SLC35F4: variants seen among roughly 807,000 people sequenced by gnomAD.
SLC35F4 encodes chromosome 14 open reading frame 36.
SLC35F4 carries 24 observed loss-of-function variants against 44.2 expected under a neutral mutation model. The observed-to-expected ratio is 0.54, with a 90% CI of 0.39 to 0.76. The LOEUF is 0.76. Among genes scored for constraint, SLC35F4 ranks in the 30% least tolerant of loss-of-function variants. The pLI is 0.00. For missense variants in SLC35F4, 562 were observed against 586.1 expected, an observed-to-expected ratio of 0.96 and a Z score of 0.42; for synonymous variants, 238 against 223.6, an observed-to-expected ratio of 1.06 and a Z score of -0.57.
At chr14:57,685,059 T>C (rs2075027947) in intron 1 of SLC35F4, among the ~76,000 whole-genome samples, 1 of 152,218 alleles carries the variant, frequency 6.6e-6, no homozygotes, top group East Asian at 1.9e-4. Flanking sequence ...TCCAGAAATT[T>C]GGATAAAAGA....
intron 1 of SLC35F4, among the ~76,000 whole-genome samples, chr14:57,930,731 A>G (rs1383830923): frequency 6.6e-6 from 1 of 152,236 alleles, no homozygotes; most frequent in Admixed American, 6.5e-5. Context: ...CAGGTGCATC[A>G]TCTGCAGGAA....
At chr14:57,780,810 C>T (rs1296241029) in intron 1 of SLC35F4, among the ~76,000 whole-genome samples, 1 of 151,726 alleles carries the variant, frequency 6.6e-6, no homozygotes, top group Non-Finnish European at 1.5e-5. Context: ...AATAATGCTG[C>T]ACCCCCACAA....
At chr14:57,738,787 A>ATATATAT (rs1491518109) in intron 1 of SLC35F4, among the ~76,000 whole-genome samples, 1 of 96,938 alleles carries the variant, frequency 1.0e-5, no homozygotes, top group South Asian at 3.4e-4. Flanking sequence ...ATATATATAT[A>ATATATAT]GGCTTCATAT....
At chr14:57,604,695 A>G (rs890731806) in intron 1 of SLC35F4, among the ~76,000 whole-genome samples, 2 of 152,206 alleles carry the variant, frequency 1.3e-5, no homozygotes, top group African/African-American at 2.4e-5. Flanking sequence ...ACATTACCTG[A>G]CTCCAAACTA....
intron 1 of SLC35F4, among the ~76,000 whole-genome samples, chr14:57,676,016 G>A (rs1764177395): frequency 6.6e-6 from 1 of 152,054 alleles, no homozygotes; most frequent in South Asian, 2.1e-4. Context: ...ATAATCAGCA[G>A]AGTAAATAGA....
chr14:57,894,122 C>A (rs1566923513), intron 1 of SLC35F4, among the ~76,000 whole-genome samples: 1 of 152,038 alleles, frequency 6.6e-6, no homozygotes, highest in African/African-American at 2.4e-5. Context: ...TCCTATTAAA[C>A]AAGCTCAAAT....
At chr14:57,756,029 C>A (rs879502478) in intron 1 of SLC35F4, among the ~76,000 whole-genome samples, 3 of 152,240 alleles carry the variant, frequency 2.0e-5, no homozygotes, top group Non-Finnish European at 4.4e-5. Context: ...CACTTCCCTT[C>A]ATGGTCAGGG....
At chr14:57,606,539 C>T (rs1027047978) in intron 1 of SLC35F4, among the ~76,000 whole-genome samples, 38 of 152,264 alleles carry the variant, frequency 2.5e-4, no homozygotes, top group African/African-American at 8.9e-4. Flanking sequence ...TTCATTTGAA[C>T]CTTTGTTTCT....
In SLC35F4 at chr14:57,819,831, T is replaced by C. The variant is rs1341022966; in HGVS notation, c.103+45892A>G. On this transcript the variant is annotated intron_variant, in intron 1 of 7. Coordinates refer to ENST00000556826, the MANE Select transcript of SLC35F4 (RefSeq NM_001306087.2). ...CCGTCTCAAAAAAAAAAAAAAAAGA[T>C]AGAAGAAATAGAAGAACTAGCCCTA... Among the ~76,000 whole-genome samples the C allele has an allele frequency of 3.4e-5, 5 of 145,478 alleles. No homozygotes were observed. In the East Asian group the frequency reaches 6.0e-4, roughly 17 times the overall value.
intron 1 of SLC35F4, among the ~76,000 whole-genome samples, chr14:57,907,837 T>C (rs2141049394): frequency 6.6e-6 from 1 of 152,290 alleles, no homozygotes; most frequent in South Asian, 2.1e-4. Flanking sequence ...TTTTTTATTT[T>C]ACGTTCTGGG....
intron 1 of SLC35F4, among the ~76,000 whole-genome samples, chr14:57,665,504 G>C (rs2074277413): frequency 6.6e-6 from 1 of 152,168 alleles, no homozygotes; most frequent in South Asian, 2.1e-4. Context: ...AGGTCACCCA[G>C]ACAGGAAGTG....
chr14:57,922,458 A>G (rs763776143), intron 1 of SLC35F4, among the ~76,000 whole-genome samples: 9 of 152,202 alleles, frequency 5.9e-5, no homozygotes, highest in Non-Finnish European at 1.0e-4. Flanking sequence ...GGTGAGATGA[A>G]ATCAACTAGC....
At chr14:57,586,988 A>G (rs1389377573) in intron 3 of SLC35F4, among the ~76,000 whole-genome samples, 1 of 150,654 alleles carries the variant, frequency 6.6e-6, no homozygotes, top group Non-Finnish European at 1.5e-5. Context: ...TTCTCAAAAG[A>G]AGACGTTTAT....
chr14:57,974,193 G>C (rs1347849880), downstream of SLC35F4, among the ~76,000 whole-genome samples: 3 of 152,198 alleles, frequency 2.0e-5, no homozygotes, highest in East Asian at 1.9e-4. Flanking sequence ...ACCTTGGTAG[G>C]GTTGCGTGGA....
chr14:57,774,948 C>G (rs545948403), intron 1 of SLC35F4, among the ~76,000 whole-genome samples: 14 of 151,826 alleles, frequency 9.2e-5, no homozygotes, highest in African/African-American at 3.4e-4. Flanking sequence ...TTCTACCCCC[C>G]ACCACACCAC....
chr14:57,855,215 G>A (rs1886966220), intron 1 of SLC35F4, among the ~76,000 whole-genome samples: 1 of 152,030 alleles, frequency 6.6e-6, no homozygotes, highest in Non-Finnish European at 1.5e-5. Context: ...GATCTGAGAG[G>A]AAGTTAAAGA....
At chr14:57,738,832 A>T (rs2076533298) in intron 1 of SLC35F4, among the ~76,000 whole-genome samples, 1 of 146,350 alleles carries the variant, frequency 6.8e-6, no homozygotes, top group South Asian at 2.1e-4. Context: ...ATATATATAT[A>T]AGTACTGTAT....
At chr14:57,929,053 GA>G (rs962387640) in intron 1 of SLC35F4, among the ~76,000 whole-genome samples, 1 of 152,150 alleles carries the variant, frequency 6.6e-6, no homozygotes, top group African/African-American at 2.4e-5. Flanking sequence ...ATTTTCCAGG[GA>G]AAAAGTATTG....
At chr14:57,753,887 A>G (rs1166882128) in intron 1 of SLC35F4, among the ~76,000 whole-genome samples, 1 of 151,888 alleles carries the variant, frequency 6.6e-6, no homozygotes, top group East Asian at 1.9e-4. Context: ...TATCTGTACC[A>G]GTTCTATATG....
Sources: allele counts gnomAD v4.1 joint callset (sites outside exome capture counted in the v4.1 genomes callset), GRCh38; gene constraint gnomAD v4.1.1; transcripts MANE v1.5; gene names NCBI Gene and HGNC (gene_info 2026-07-23, HGNC 2026-07-21).